TAFA4: variants seen among roughly 807,000 people sequenced by gnomAD.
The protein encoded by TAFA4 is chemokine-like protein TAFA-4.
A neutral mutation model predicts 21.1 loss-of-function variants in TAFA4; 20 were observed. The ratio of observed to expected loss-of-function variants is 0.95; its 90% CI spans 0.67 to 1.38. TAFA4 has a LOEUF of 1.38. Ranked by LOEUF, TAFA4 falls within the 40% of genes most tolerant of loss-of-function variation. The pLI is 0.00. For synonymous variants in TAFA4, 71 were observed against 67.4 expected, an observed-to-expected ratio of 1.05 and a Z score of -0.26; for missense variants, 211 against 180.9, an observed-to-expected ratio of 1.17 and a Z score of -0.95.
At chr3:68,848,541 C>T (rs911986001) in intron 3 of TAFA4, among the ~76,000 whole-genome samples, 1 of 152,164 alleles carries the variant, frequency 6.6e-6, no homozygotes, top group South Asian at 2.1e-4. Context: ...ACAGCCTTTC[C>T]AGGGTCCATG....
chr3:68,872,081 C>T (rs1420727068), intron 3 of TAFA4, among the ~76,000 whole-genome samples: 1 of 152,016 alleles, frequency 6.6e-6, no homozygotes, highest in African/African-American at 2.4e-5. Flanking sequence ...ACCAGAATAT[C>T]AAGGAGATAA....
intron 3 of TAFA4, among the ~76,000 whole-genome samples, chr3:68,866,885 A>T (rs980181088): frequency 2.6e-5 from 4 of 151,840 alleles, no homozygotes; most frequent in Non-Finnish European, 4.4e-5. Flanking sequence ...TAGAAAAAAT[A>T]AAAAAAGAAT....
At chr3:68,908,808 C>T (rs555859487) in intron 1 of TAFA4, among the ~76,000 whole-genome samples, 3 of 152,246 alleles carry the variant, frequency 2.0e-5, no homozygotes, top group African/African-American at 4.8e-5. Context: ...AGTTATACTC[C>T]GAAGTAGCTA....
At chr3:68,755,408 G>A (rs1216145403) in intron 3 of TAFA4, among the ~76,000 whole-genome samples, 1 of 152,186 alleles carries the variant, frequency 6.6e-6, no homozygotes, top group Non-Finnish European at 1.5e-5. Context: ...CTCGACCTGA[G>A]TGAGTAATTC....
At chr3:68,875,828 G>C (rs995880845) in intron 3 of TAFA4, among the ~76,000 whole-genome samples, 1 of 151,672 alleles carries the variant, frequency 6.6e-6, no homozygotes, top group African/African-American at 2.4e-5. Flanking sequence ...CTATTCATCA[G>C]GAAACAGAAC....
intron 3 of TAFA4, among the ~76,000 whole-genome samples, chr3:68,808,498 A>C (rs1281366336): frequency 6.6e-6 from 1 of 152,208 alleles, no homozygotes; most frequent in Non-Finnish European, 1.5e-5. Context: ...CTGCCTTCTT[A>C]AACCCTCTGA....
chr3:68,773,459 A>G (rs957111838), intron 3 of TAFA4, among the ~76,000 whole-genome samples: 17 of 152,188 alleles, frequency 1.1e-4, no homozygotes, highest in African/African-American at 3.9e-4. Context: ...CAGGATTTCA[A>G]TACTTAGGCA....
chr3:68,840,844 G>A (rs897433593), intron 3 of TAFA4, among the ~76,000 whole-genome samples: 2 of 152,128 alleles, frequency 1.3e-5, no homozygotes, highest in African/African-American at 2.4e-5. Context: ...CTTGCCCATG[G>A]CTAGACTAAC....
intron 3 of TAFA4, among the ~76,000 whole-genome samples, chr3:68,772,024 A>C (rs892929754): frequency 6.7e-6 from 1 of 149,116 alleles, no homozygotes; most frequent in Non-Finnish European, 1.5e-5. Context: ...GGGAGGGATG[A>C]AGATTTTTTT....
chr3:68,892,234 A>G (rs1233469796), intron 1 of TAFA4, among the ~76,000 whole-genome samples: 1 of 152,170 alleles, frequency 6.6e-6, no homozygotes, highest in African/African-American at 2.4e-5. Flanking sequence ...ATTGCTTTTT[A>G]TTGCTTCCTT....
chr3:68,927,760 T>C (rs923629751), intron 1 of TAFA4, among the ~76,000 whole-genome samples: 1 of 151,838 alleles, frequency 6.6e-6, no homozygotes, highest in African/African-American at 2.4e-5. Flanking sequence ...TAGCTGGGCG[T>C]GATGGTGCAC....
intron 2 of TAFA4, chr3:68,883,031 G>A (rs987141742): frequency 6.6e-6 from 1 of 152,276 alleles, no homozygotes; most frequent in East Asian, 1.9e-4. Flanking sequence ...GGCCTAGTTA[G>A]AGCTTGGACA....
intron 1 of TAFA4, among the ~76,000 whole-genome samples, chr3:68,931,015 G>C (rs929960610): frequency 6.6e-6 from 1 of 152,202 alleles, no homozygotes; most frequent in African/African-American, 2.4e-5. Flanking sequence ...GCCAAACGAA[G>C]ATGCGTGTGA....
chr3:68,759,476 C>T (rs544751805), intron 3 of TAFA4, among the ~76,000 whole-genome samples: 6 of 152,278 alleles, frequency 3.9e-5, no homozygotes, highest in African/African-American at 9.6e-5. Context: ...TTGTTATAAA[C>T]TTACTTACTT....
chr3:68,810,380 C>G (rs1399105547), intron 3 of TAFA4, among the ~76,000 whole-genome samples: 2 of 152,190 alleles, frequency 1.3e-5, no homozygotes, highest in African/African-American at 4.8e-5. Flanking sequence ...AAGACATCAC[C>G]TCACCTGGGA....
At chr3:68,812,612 C>G (rs1703868265) in intron 3 of TAFA4, among the ~76,000 whole-genome samples, 1 of 152,140 alleles carries the variant, frequency 6.6e-6, no homozygotes, top group African/African-American at 2.4e-5. Flanking sequence ...ATCAATTTAA[C>G]AAGAAGAGCT....
intron 4 of TAFA4, among the ~76,000 whole-genome samples, chr3:68,745,337 A>T (rs2106740017): frequency 6.6e-6 from 1 of 152,354 alleles, no homozygotes; most frequent in Admixed American, 6.5e-5. Flanking sequence ...ATAAGTTTGT[A>T]GGAGGCATAG....
At chr3:68,889,142 AAG>A (rs1345155768) in intron 1 of TAFA4, among the ~76,000 whole-genome samples, 2 of 152,210 alleles carry the variant, frequency 1.3e-5, no homozygotes, top group Non-Finnish European at 2.9e-5. Context: ...TATCTAGACT[AAG>A]AGAATTTTTT....
intron 3 of TAFA4, among the ~76,000 whole-genome samples, chr3:68,857,336 A>G (rs1705093325): frequency 6.6e-6 from 1 of 152,180 alleles, no homozygotes; most frequent in Non-Finnish European, 1.5e-5. Context: ...TGCTAAGTAC[A>G]TTAAGCACAC....
Sources: gnomAD v4.1 joint callset for allele counts (sites outside exome capture counted in the v4.1 genomes callset) on GRCh38, gnomAD v4.1.1 for gene constraint, MANE v1.5 for transcripts, NCBI Gene and HGNC (gene_info 2026-07-23, HGNC 2026-07-21) for gene names.